Variants in ARMCX4 observed in about 807,000 individuals in gnomAD.
ARMCX4 encodes armadillo repeat-containing X-linked protein 4.
ARMCX4 carries 3 observed loss-of-function variants against 34.7 expected under a neutral mutation model. The ratio of observed to expected loss-of-function variants is 0.09; its 90% CI spans 0.04 to 0.22. The LOEUF is 0.22. ARMCX4 is among the 10% of genes least tolerant of loss of function. The pLI is 1.00. For synonymous variants in ARMCX4, 513 were observed against 632.8 expected (o/e 0.81, Z 2.84); for missense variants, 1,448 against 1,720.8 (o/e 0.84, Z 2.81).
In ARMCX4 at chrX:101,489,183, A is replaced by G; in HGVS notation, c.594A>G (p.Lys198=). Residue 198 remains lysine, a synonymous_variant, in exon 6 of 6, where the codon AAA becomes AAG. Coordinates refer to ENST00000423738, the MANE Select transcript of ARMCX4 (RefSeq NM_001256155.3). The part of the protein sequence containing the change: ...TKAETHILAE[K]ETEINRVMVT... ...CTGAAACTCATATATTGGCTGAAAAAGAGACAGAGATTAACAGAGTAATGG... is the reference window on the plus strand; with the variant it reads ...CTGAAACTCATATATTGGCTGAAAAGGAGACAGAGATTAACAGAGTAATGG... 1 of 1,156,062 alleles carries G rather than the reference A, an allele frequency of 8.7e-7. No individual in the cohort carries two copies. Among genetic ancestry groups the G allele is most frequent in the Non-Finnish European group, 1.1e-6 (1 of 872,974 alleles).
intron 11 of ARMCX4, among the ~76,000 whole-genome samples, chrX:101,513,809 T>C: frequency 9.0e-6 from 1 of 110,549 alleles, no homozygotes; most frequent in Non-Finnish European, 1.9e-5. Context: ...TTAGTCCTGC[T>C]TGAATTGAGT....
chrX:101,498,608 A>G, downstream of ARMCX4: 1 of 116,147 alleles, frequency 8.6e-6, no homozygotes, highest in Non-Finnish European at 1.8e-5. Context: ...GGCTTTATTC[A>G]TAACATATAA....
chrX:101,478,166 A>G (rs1356651380), intron 4 of ARMCX4, among the ~76,000 whole-genome samples: 1 of 112,479 alleles, frequency 8.9e-6, no homozygotes, highest in Non-Finnish European at 1.9e-5. Context: ...GATAACATGA[A>G]TAGTATAAAG....
intron 2 of ARMCX4, among the ~76,000 whole-genome samples, chrX:101,440,742 C>T (rs1186112761): frequency 2.7e-5 from 3 of 111,493 alleles, no homozygotes; most frequent in South Asian, 3.8e-4. Context: ...TAGCAATTAG[C>T]GAGGCTCCGT....
At chrX:101,513,409 A>C (rs1157914717) in intron 11 of ARMCX4, among the ~76,000 whole-genome samples, 2 of 111,909 alleles carry the variant, frequency 1.8e-5, no homozygotes, top group Admixed American at 9.5e-5. Flanking sequence ...TGTTCAACTG[A>C]AAATGCACCA....
chrX:101,481,886 C>T (rs1473896672), upstream of ARMCX4, among the ~76,000 whole-genome samples: 2 of 110,988 alleles, frequency 1.8e-5, no homozygotes, highest in Non-Finnish European at 3.8e-5. Context: ...GTATGTAGAG[C>T]TCTTTGAGAC....
intron 2 of ARMCX4, among the ~76,000 whole-genome samples, chrX:101,441,691 C>T (rs1013076777): frequency 1.8e-5 from 2 of 111,294 alleles, no homozygotes; most frequent in Admixed American, 9.6e-5. Context: ...CACCCACAAC[C>T]GCCCCAAACA....
chrX:101,521,938 A>T (rs1028308025), intron 11 of ARMCX4, among the ~76,000 whole-genome samples: 7 of 111,551 alleles, frequency 6.3e-5, no homozygotes, highest in African/African-American at 2.3e-4. Flanking sequence ...TATCCTGAAG[A>T]ATGTTCCATG....
chrX:101,509,411 CTT>C (rs1934526926), exon 9 of ARMCX4: 1 of 111,353 alleles, frequency 9.0e-6, no homozygotes, highest in African/African-American at 3.3e-5. Flanking sequence ...GCAAAGCACA[CTT>C]CTGAGATCTT....
intron 2 of ARMCX4, among the ~76,000 whole-genome samples, chrX:101,443,372 A>T: frequency 9.0e-6 from 1 of 111,650 alleles, no homozygotes; most frequent in Admixed American, 9.6e-5. Flanking sequence ...TCTTGGAAGC[A>T]GAGGGCGGCC....
intron 2 of ARMCX4, among the ~76,000 whole-genome samples, chrX:101,433,217 T>C (rs1450237883): frequency 3.5e-5 from 1 of 28,256 alleles, no homozygotes; most frequent in African/African-American, 7.6e-5. Context: ...TATACGCACA[T>C]ATATACATAT....
Position 101,494,791 on chromosome X carries a change from A to T in ARMCX4, c.6202A>T (p.Asn2068Tyr). The change falls in exon 6 of 6, where the codon AAC becomes TAC. Residue 2068 changes from asparagine (N) to tyrosine (Y), a missense_variant. This residue lies in a region of ARMCX4 where 105 missense variants were observed against 180.2 expected (regional missense o/e 0.58). Coordinates refer to ENST00000423738, the MANE Select transcript of ARMCX4 (RefSeq NM_001256155.3). ...TGAAATAGCCAATAATGCTTTATAT[A>T]ACAGTGCTGATTATTCTTATTCTCA... ...VHEIANNALYNSADYSYSHEV... is the reference protein window; with the variant it reads ...VHEIANNALYYSADYSYSHEV... 8.7e-7 allele frequency: 1 copy of T among 1,154,127 alleles called. No homozygotes were observed. The highest frequency in any genetic ancestry group is 1.1e-6 in the Non-Finnish European group (1 of 871,114).
Position 101,494,582 on chromosome X carries a change from A to G in ARMCX4, c.5993A>G (p.Glu1998Gly). 1.7e-6 allele frequency: 2 copies of G among 1,155,723 alleles called. No individual in the cohort carries two copies. The highest frequency in any genetic ancestry group is 2.3e-6 in the Non-Finnish European group (2 of 872,714). The change falls in exon 6 of 6, where the codon GAA (glutamate) becomes GGA (glycine). Residue 1998 changes from glutamate (E) to glycine (G), a missense_variant. Transcript: ENST00000423738. ...TGGGATGGAGCCATGATCTGGTCGG[A>G]AACTAAGTTTGCACACCAAAGTGAG... ...GSWDGAMIWSETKFAHQSEAS... is the reference protein window; with the variant it reads ...GSWDGAMIWSGTKFAHQSEAS...
chrX:101,481,756 C>T (rs1933461234), upstream of ARMCX4, among the ~76,000 whole-genome samples: 1 of 111,456 alleles, frequency 9.0e-6, no homozygotes, highest in Non-Finnish European at 1.9e-5. Flanking sequence ...AGAAATTCTT[C>T]TACCTGTTGG....
intron 8 of ARMCX4, among the ~76,000 whole-genome samples, chrX:101,505,916 A>T (rs1326780667): frequency 8.9e-6 from 1 of 111,840 alleles, no homozygotes; most frequent in Non-Finnish European, 1.9e-5. Context: ...ATCATGGCTC[A>T]CTGCAACCCC....
Position 101,488,038 on chromosome X carries a change from C to A in ARMCX4, c.-202-6C>A. 1 of 930,926 alleles carries A rather than the reference C, an allele frequency of 1.1e-6. No homozygotes were observed. Among genetic ancestry groups the A allele is most frequent in the Non-Finnish European group, 1.4e-6 (1 of 718,725 alleles). 76.7% of individuals were successfully genotyped at this position (930,926 alleles called of 1,213,427 possible). On this transcript the variant is annotated splice_region_variant and splice_polypyrimidine_tract_variant and intron_variant, in intron 4 of 5. Coordinates refer to ENST00000423738, the MANE Select transcript of ARMCX4 (RefSeq NM_001256155.3). The stretch of plus-strand genomic sequence containing the variant: ...GAGATCTCATGAATTTATGTATCTA[C>A]TTTAGGGTGTACTGCCAAGAGAAGC...
chrX:101,487,851 C>T (rs1236191733), intron 4 of ARMCX4, among the ~76,000 whole-genome samples, 160 bp downstream of exon 4: 2 of 111,534 alleles, frequency 1.8e-5, no homozygotes, highest in Non-Finnish European at 3.8e-5. Flanking sequence ...TCCATACCCT[C>T]ACCTTAATTC....
chrX:101,470,275 T>C (rs1301948324), intron 4 of ARMCX4, among the ~76,000 whole-genome samples: 3 of 112,178 alleles, frequency 2.7e-5, no homozygotes, highest in African/African-American at 9.7e-5. Context: ...TACTCTTTTG[T>C]GTCTGGCTCT....
At chrX:101,439,875 C>T (rs1381315221) in intron 2 of ARMCX4, among the ~76,000 whole-genome samples, 20 of 111,401 alleles carry the variant, frequency 1.8e-4, no homozygotes, top group East Asian at 5.6e-4. Flanking sequence ...GTTAGCCATT[C>T]GTCTAATTTT....
Sources: gnomAD v4.1 joint callset for allele counts (sites outside exome capture counted in the v4.1 genomes callset) on GRCh38, gnomAD v4.1.1 for gene constraint, gnomAD v4.1.1 regional missense constraint, MANE v1.5 for transcripts, NCBI Gene and HGNC (gene_info 2026-07-23, HGNC 2026-07-21) for gene names.